The following GABRA2 variants were observed in gnomAD, a reference collection of about 807,000 sequenced individuals.
GABRA2 encodes gamma-aminobutyric acid type A receptor subunit alpha2, also known as gamma-aminobutyric acid receptor subunit alpha-2.
In GABRA2, 16 loss-of-function variants were observed where a neutral mutation model predicts 48.7. The observed-to-expected ratio is 0.33, with a 90% CI of 0.22 to 0.50. GABRA2 has a LOEUF of 0.50. Among genes scored for constraint, GABRA2 ranks in the 20% least tolerant of loss-of-function variants. The pLI, the probability that GABRA2 is intolerant of heterozygous loss-of-function variation, is 0.98. For missense variants in GABRA2, 275 were observed against 535.6 expected (o/e 0.51, Z 4.80); for synonymous variants, 185 against 184.5 (o/e 1.00, Z -0.02).
At chr4:46,319,597 T>C (rs894214803) in intron 4 of GABRA2, among the ~76,000 whole-genome samples, 2 of 151,672 alleles carry the variant, frequency 1.3e-5, no homozygotes, top group Non-Finnish European at 3.0e-5. Context: ...TAAGAACAGA[T>C]CAGCAAAGGG....
Position 46,345,346 on chromosome 4 carries a change from C to T in GABRA2, c.188-12664G>A, listed in dbSNP as rs139510317. Reference sequence around the variant, plus strand: ...ACCAATTTAGTATCTAGTGTCAGCTCGTTGTCCATATTCCCTTGACAATCA... The same window carrying T: ...ACCAATTTAGTATCTAGTGTCAGCTTGTTGTCCATATTCCCTTGACAATCA... On this transcript the variant is annotated intron_variant, in intron 3 of 9. Transcript: ENST00000381620. Among the ~76,000 whole-genome samples the T allele has an allele frequency of 5.9e-4, 89 of 151,926 alleles. No homozygotes were observed. The South Asian group carries it at 8.7e-3, about 15-fold the overall frequency.
At chr4:46,308,834 T>G (rs1727138019) in intron 6 of GABRA2, among the ~76,000 whole-genome samples, 1 of 152,032 alleles carries the variant, frequency 6.6e-6, no homozygotes, top group Admixed American at 6.6e-5. Flanking sequence ...TCACATCATT[T>G]ATATTTGATG....
chr4:46,303,312 T>A (rs1470712835), intron 8 of GABRA2, 148 bp downstream of exon 8: 7 of 706,652 alleles, frequency 9.9e-6, no homozygotes, highest in African/African-American at 1.8e-5. Context: ...GTTACCACTC[T>A]GAGCCTACTT....
chr4:46,257,356 A>G (rs940663900), intron 9 of GABRA2, among the ~76,000 whole-genome samples: 2 of 151,640 alleles, frequency 1.3e-5, no homozygotes, highest in African/African-American at 4.8e-5. Flanking sequence ...GTCTAATGTT[A>G]TGGAGCTGTG....
chr4:46,312,360 A>G (rs1727789579), intron 5 of GABRA2, 136 bp downstream of exon 5: 1 of 517,098 alleles, frequency 1.9e-6, no homozygotes, highest in Non-Finnish European at 3.4e-6. Context: ...ACATTTGCAA[A>G]GCATATTATT....
intron 8 of GABRA2, among the ~76,000 whole-genome samples, chr4:46,267,897 A>T (rs1463887357): frequency 6.6e-6 from 1 of 151,912 alleles, no homozygotes; most frequent in Non-Finnish European, 1.5e-5. Flanking sequence ...GATTTTTCAG[A>T]TTATGGATGC....
intron 8 of GABRA2, 85 bp from the exon 9 acceptor site, chr4:46,262,213 C>A: frequency 9.9e-7 from 1 of 1,009,144 alleles, no homozygotes; most frequent in Non-Finnish European, 1.5e-6. Context: ...TCCCTCCAGC[C>A]CCCAAAGCTT....
intron 8 of GABRA2, among the ~76,000 whole-genome samples, chr4:46,281,369 GA>G (rs1345523879): frequency 6.6e-6 from 1 of 152,084 alleles, no homozygotes; most frequent in East Asian, 1.9e-4. Flanking sequence ...AGTATAGATA[GA>G]AAAAATAATG....
intron 3 of GABRA2, among the ~76,000 whole-genome samples, chr4:46,349,555 T>G: frequency 1.3e-5 from 2 of 151,968 alleles, no homozygotes; most frequent in East Asian, 3.9e-4. Flanking sequence ...CGGTTGCTTT[T>G]GTTTCAAGTA....
rs72160209 is a variant in GABRA2 at position 46,264,986 on chromosome 4, C to CATATATAT, written c.857-2866_857-2859dup. On this transcript the variant is annotated intron_variant, in intron 8 of 9. Coordinates refer to ENST00000381620, the MANE Select transcript of GABRA2 (RefSeq NM_000807.4). ...CAATTGTTCCCAGAATTACTTTATA[C>CATATATAT]ATATATATATATATATGTATAAAGA... 2.6e-4 allele frequency among the ~76,000 whole-genome samples: 28 copies of CATATATAT among 107,522 alleles called. 1 individual carries two copies. Among genetic ancestry groups the CATATATAT allele is most frequent in the Admixed American group, 2.0e-4 (2 of 10,204 alleles). 70.5% of individuals were successfully genotyped at this position (107,522 alleles called of 152,430 possible).
At chr4:46,265,485 AT>A (rs1441409406) in intron 8 of GABRA2, among the ~76,000 whole-genome samples, 21 of 83,448 alleles carry the variant, frequency 2.5e-4, no homozygotes, top group African/African-American at 8.5e-4. Context: ...TTGTGTATAT[AT>A]TATATATATA....
intron 3 of GABRA2, among the ~76,000 whole-genome samples, chr4:46,359,446 C>T (rs948095879): frequency 6.6e-6 from 1 of 152,066 alleles, no homozygotes; most frequent in Non-Finnish European, 1.5e-5. Flanking sequence ...ACTGTCAAGC[C>T]TAAGACGATG....
intron 3 of GABRA2, among the ~76,000 whole-genome samples, chr4:46,353,587 T>C (rs1357093333): frequency 1.3e-5 from 2 of 152,118 alleles, no homozygotes; most frequent in African/African-American, 4.8e-5. Flanking sequence ...CTTTGCCTCC[T>C]TTCTCTGGGC....
At chr4:46,323,760 T>C (rs1351145292) in intron 4 of GABRA2, among the ~76,000 whole-genome samples, 1 of 150,268 alleles carries the variant, frequency 6.7e-6, no homozygotes, top group South Asian at 2.1e-4. Context: ...ATGAACGCCA[T>C]GTGGTGGAGC....
intron 8 of GABRA2, 144 bp from the exon 9 acceptor site, chr4:46,262,272 GA>G: frequency 1.8e-6 from 1 of 568,156 alleles, no homozygotes; most frequent in South Asian, 2.7e-5. Context: ...ATAAATACTG[GA>G]ATTTATATTA....
At chr4:46,279,076 G>A (rs1721030643) in intron 8 of GABRA2, among the ~76,000 whole-genome samples, 1 of 152,026 alleles carries the variant, frequency 6.6e-6, no homozygotes, top group Non-Finnish European at 1.5e-5. Context: ...TACAGTTAGT[G>A]TCAGAGTGAC....
chr4:46,361,086 A>C (rs926312084), intron 3 of GABRA2, among the ~76,000 whole-genome samples: 1 of 152,370 alleles, frequency 6.6e-6, no homozygotes, highest in Admixed American at 6.5e-5. Flanking sequence ...ACAATGCAAT[A>C]GAAAAGAAAA....
chr4:46,296,133 T>C (rs1265833393), intron 8 of GABRA2, among the ~76,000 whole-genome samples: 1 of 152,142 alleles, frequency 6.6e-6, no homozygotes, highest in Non-Finnish European at 1.5e-5. Flanking sequence ...CAGAAGGCCG[T>C]GTATGCTCTG....
At position 46,250,681 on chromosome 4, in the gene GABRA2, C is replaced by T. The variant is rs549113915; in HGVS notation, c.1060-77G>A. The T allele has an allele frequency of 3.7e-4, 400 of 1,082,092 alleles. 1 individual carries two copies. Among genetic ancestry groups the T allele is most frequent in the Middle Eastern group, 2.6e-3 (12 of 4,534 alleles). 67.0% of individuals were successfully genotyped at this position (1,082,092 alleles called of 1,614,324 possible). A position where few individuals can be genotyped will look rare whatever the true frequency, so the allele number is the denominator to read the frequency against. On this transcript the variant is annotated intron_variant, in intron 9 of 9. Transcript: ENST00000381620. ...CATTTTCTAAAGTCCACTTCAAATT[C>T]TGAAGGAAGGTATCCTAATACAAAT...
Sources: allele counts gnomAD v4.1 joint callset (sites outside exome capture counted in the v4.1 genomes callset), GRCh38; gene constraint gnomAD v4.1.1; transcripts MANE v1.5; gene names NCBI Gene and HGNC (gene_info 2026-07-23, HGNC 2026-07-21).